PLEKHA6: variants seen among roughly 807,000 people sequenced by gnomAD.
PLEKHA6 encodes the protein pleckstrin homology domain containing A6.
Under a neutral mutation model 116.7 loss-of-function variants are expected in PLEKHA6, and 60 were observed. The observed-to-expected ratio is 0.51, with a 90% CI of 0.42 to 0.64. The LOEUF is 0.64. PLEKHA6 is among the 30% of genes least tolerant of loss of function. The pLI is 0.00. For synonymous variants in PLEKHA6, 489 were observed against 556.1 expected (o/e 0.88, Z 1.70); for missense variants, 1,338 against 1,422.7 (o/e 0.94, Z 0.96).
chr1:204,337,424 G>A (rs1475237904), intron 1 of PLEKHA6, among the ~76,000 whole-genome samples: 2 of 152,198 alleles, frequency 1.3e-5, no homozygotes, highest in African/African-American at 4.8e-5. Context: ...CTCACCCGGC[G>A]AGATGTCACC....
At chr1:204,235,472 T>C (rs1661906546) in intron 17 of PLEKHA6, among the ~76,000 whole-genome samples, 1 of 152,178 alleles carries the variant, frequency 6.6e-6, no homozygotes, top group Non-Finnish European at 1.5e-5. Flanking sequence ...ATACTGAGCC[T>C]CAAGTATGCT....
intron 1 of PLEKHA6, among the ~76,000 whole-genome samples, chr1:204,280,095 G>A (rs148576893): frequency 2.3e-4 from 35 of 152,240 alleles, no homozygotes; most frequent in Middle Eastern, 6.8e-3. Context: ...TCTCAAGAGC[G>A]ATAAATTACA....
At chr1:204,273,403 T>C (rs967942468) in intron 3 of PLEKHA6, among the ~76,000 whole-genome samples, 1 of 152,238 alleles carries the variant, frequency 6.6e-6, no homozygotes, top group African/African-American at 2.4e-5. Context: ...CTAGCAATGC[T>C]GAGGTTGAGA....
Position 204,228,064 on chromosome 1 carries a change from G to C in PLEKHA6, c.3031+19C>G, listed in dbSNP as rs369031003. 2 of 1,608,216 alleles carry C rather than the reference G, an allele frequency of 1.2e-6. No homozygotes were observed. Among genetic ancestry groups the C allele is most frequent in the Non-Finnish European group, 1.7e-6 (2 of 1,177,496 alleles). ...GCTGGTTTCCCTGGCAGGGTGGAGC[G>C]AGGCCCAGCCCCTCTCACCAGACAG... On this transcript the variant is annotated intron_variant, in intron 21 of 22. Coordinates refer to ENST00000272203, the MANE Select transcript of PLEKHA6 (RefSeq NM_014935.5). This position sits in a 1 kb window ranked among gnomAD's most constrained non-coding sequence, Gnocchi z 4.0.
intron 9 of PLEKHA6, 86 bp from the exon 10 acceptor site, chr1:204,250,700 C>A: frequency 1.1e-6 from 1 of 912,704 alleles, no homozygotes; most frequent in Non-Finnish European, 1.8e-6. Context: ...TCCCGCTGTG[C>A]TCCTGCCAGA....
At chr1:204,326,527 C>T (rs1161971093) in intron 1 of PLEKHA6, among the ~76,000 whole-genome samples, 1 of 152,166 alleles carries the variant, frequency 6.6e-6, no homozygotes, top group African/African-American at 2.4e-5. Flanking sequence ...AAGTGAGCAC[C>T]ACAGAGGCAT....
chr1:204,238,225 C>A lies in PLEKHA6; in HGVS notation c.2409+3150G>T, dbSNP rs898512690. On this transcript the variant is annotated intron_variant, in intron 17 of 22. Transcript: ENST00000272203. This position sits in a 1 kb window ranked among gnomAD's most constrained non-coding sequence, Gnocchi z 4.2. The stretch of plus-strand genomic sequence containing the variant: ...CAGGTCCAGGCTGCTGTGCAAGCTG[C>A]TGTGCCAACTGGGCCATATGACCCA... Among the ~76,000 whole-genome samples the A allele has an allele frequency of 2.6e-5, 4 of 152,208 alleles. No homozygotes were observed. Among genetic ancestry groups the A allele is most frequent in the Non-Finnish European group, 4.4e-5 (3 of 68,038 alleles).
chr1:204,372,827 A>AT (rs1290997045), intron 1 of PLEKHA6, among the ~76,000 whole-genome samples: 1 of 150,980 alleles, frequency 6.6e-6, no homozygotes, highest in African/African-American at 2.4e-5. Flanking sequence ...GATTAGTTGC[A>AT]TTTTCCAGAG....
In PLEKHA6 at chr1:204,274,736, A is replaced by G; in HGVS notation, c.-21T>C. On this transcript the variant is annotated 5_prime_UTR_variant, in exon 2 of 23. Transcript: ENST00000272203. Reference sequence around the variant, plus strand: ...AGTAGGGGACACACTTACATTTTCAAGTCAAATTTTTTGTTTTCCTCTGGG... The same window carrying G: ...AGTAGGGGACACACTTACATTTTCAGGTCAAATTTTTTGTTTTCCTCTGGG... The G allele has an allele frequency of 1.7e-5, 17 of 985,924 alleles. No homozygotes were observed. The highest frequency in any genetic ancestry group is 2.0e-5 in the Non-Finnish European group (17 of 829,976). The allele number at this position is 985,924 out of a possible 1,614,324, so 61.1% of individuals were successfully genotyped here.
intron 1 of PLEKHA6, among the ~76,000 whole-genome samples, chr1:204,315,098 A>C (rs1671805849): frequency 6.6e-6 from 1 of 152,184 alleles, no homozygotes; most frequent in African/African-American, 2.4e-5. Context: ...CTGGACTTTG[A>C]TTACAGCAGG....
chr1:204,377,842 A>T (rs1384184370), upstream of PLEKHA6: 3 of 68,182 alleles, frequency 4.4e-5, no homozygotes, highest in African/African-American at 6.4e-5. Flanking sequence ...TGGCCTCCCC[A>T]CTGAAGACGC....
At chr1:204,324,896 G>A (rs904809505) in intron 1 of PLEKHA6, among the ~76,000 whole-genome samples, 2 of 152,092 alleles carry the variant, frequency 1.3e-5, no homozygotes, top group South Asian at 4.2e-4. Context: ...GAGAGGAGAT[G>A]CAGGAATACA....
At position 204,259,729 on chromosome 1, in the gene PLEKHA6, G is replaced by A. The variant is rs1665867528; in HGVS notation, c.536C>T (p.Pro179Leu). 2 of 1,609,378 alleles carry A rather than the reference G, an allele frequency of 1.2e-6. No homozygotes were observed. Among genetic ancestry groups the A allele is most frequent in the African/African-American group, 2.7e-5 (2 of 74,836 alleles). Residue 179 changes from proline to leucine, a missense_variant, in exon 8 of 23, where the codon CCA becomes CTA. Physicochemically the swap from Pro to Leu is moderately conservative, Grantham distance 98 (BLOSUM62 -3). Around this residue, in one of 3 missense-constraint regions of PLEKHA6, gnomAD observed 140 missense variants for 197.4 expected, o/e 0.71. Coordinates refer to ENST00000272203, the MANE Select transcript of PLEKHA6 (RefSeq NM_014935.5). This position sits in a 1 kb window ranked among gnomAD's most constrained non-coding sequence, Gnocchi z 4.6. Reference sequence around the variant, plus strand: ...GCTGGGTGGGACGTTCTCCGAGTCTGGCTTCTCATGGCTGCAGGATGCCAA... The same window carrying A: ...GCTGGGTGGGACGTTCTCCGAGTCTAGCTTCTCATGGCTGCAGGATGCCAA... ...PQAVRHSHEKPDSENVPPSKH... is the reference protein window; with the variant it reads ...PQAVRHSHEKLDSENVPPSKH...
chr1:204,227,236 C>T (rs1424911876), intron 21 of PLEKHA6, among the ~76,000 whole-genome samples: 2 of 152,200 alleles, frequency 1.3e-5, no homozygotes, highest in Non-Finnish European at 2.9e-5. Flanking sequence ...CATGGCTCCC[C>T]CTTCTGAGTC....
chr1:204,221,959 C>T lies in PLEKHA6; in HGVS notation c.*829G>A, dbSNP rs760732082. On this transcript the variant is annotated 3_prime_UTR_variant, in exon 23 of 23. Coordinates refer to ENST00000272203, the MANE Select transcript of PLEKHA6 (RefSeq NM_014935.5). Reference sequence around the variant, plus strand: ...CCAATCTGATATCCCCTTTCCATCTCCCTCCTTCCTGCTTGACTTGCCAAT... The same window carrying T: ...CCAATCTGATATCCCCTTTCCATCTTCCTCCTTCCTGCTTGACTTGCCAAT... 5.8e-4 allele frequency: 89 copies of T among 152,404 alleles called. No homozygotes were observed. The highest frequency in any genetic ancestry group is 9.6e-4 in the Non-Finnish European group (66 of 68,670). 9.4% of individuals were successfully genotyped at this position (152,404 alleles called of 1,614,324 possible).
Position 204,228,658 on chromosome 1 carries a change from C to T in PLEKHA6, c.2885+70G>A. 6.7e-7 allele frequency: 1 copy of T among 1,494,084 alleles called. No homozygotes were observed. Among genetic ancestry groups the T allele is most frequent in the Admixed American group, 1.7e-5 (1 of 59,530 alleles). The allele number at this position is 1,494,084 out of a possible 1,614,324, so 92.6% of individuals were successfully genotyped here. A position where few individuals can be genotyped will look rare whatever the true frequency, so the allele number is the denominator to read the frequency against. The stretch of plus-strand genomic sequence containing the variant: ...TGGGGAGGCTCTGTGCCCCCAACGA[C>T]TTCTAGTGGCCCAGGTGTCCTAGGT... On this transcript the variant is annotated intron_variant, in intron 20 of 22. Coordinates refer to ENST00000272203, the MANE Select transcript of PLEKHA6 (RefSeq NM_014935.5). This position sits in a 1 kb window ranked among gnomAD's most constrained non-coding sequence, Gnocchi z 4.0.
intron 1 of PLEKHA6, chr1:204,280,363 C>T (rs1339709816): frequency 2.0e-6 from 2 of 985,440 alleles, no homozygotes; most frequent in Non-Finnish European, 1.2e-6. Context: ...CATGCACACA[C>T]ACTCCCAGGC....
At chr1:204,362,921 A>G (rs1431107492), upstream of PLEKHA6, among the ~76,000 whole-genome samples, 4 of 152,190 alleles carry the variant, frequency 2.6e-5, no homozygotes, top group African/African-American at 9.7e-5. Context: ...TTACTTGACT[A>G]TCCAGCCTGT....
chr1:204,259,757 G>C lies in PLEKHA6; in HGVS notation c.525-17C>G, dbSNP rs1167402386. 6.3e-7 allele frequency: 1 copy of C among 1,596,110 alleles called. No homozygotes were observed. The highest frequency in any genetic ancestry group is 1.3e-5 in the African/African-American group (1 of 74,722). On this transcript the variant is annotated splice_polypyrimidine_tract_variant and intron_variant, in intron 7 of 22. Transcript: ENST00000272203. The surrounding 1 kb of genome is among the most constrained non-coding windows in gnomAD (Gnocchi z 4.6). ...TTCTCATGGCTGCAGGATGCCAAGG[G>C]AGATGCTGTCAGTGACTCTAGCCCA...
Sources: gnomAD v4.1 joint callset for allele counts (sites outside exome capture counted in the v4.1 genomes callset) on GRCh38, gnomAD v4.1.1 for gene constraint, gnomAD v4.1.1 regional missense constraint, Gnocchi (gnomAD v3.1) non-coding constraint, MANE v1.5 for transcripts, NCBI Gene and HGNC (gene_info 2026-07-23, HGNC 2026-07-21) for gene names.